PCDHGB4: variants seen among roughly 807,000 people sequenced by gnomAD.
PCDHGB4 encodes protocadherin gamma subfamily B, 4, also known as protocadherin gamma-B4.
In PCDHGB4, 38 loss-of-function variants were observed where a neutral mutation model predicts 60.5. The ratio of observed to expected loss-of-function variants is 0.63; its 90% CI spans 0.48 to 0.82. The LOEUF is 0.82. PCDHGB4 is among the 40% of genes least tolerant of loss of function. The probability of loss-of-function intolerance (pLI) is 0.00; values close to 1 mark genes in which losing one functional copy is unlikely to be tolerated. For missense variants in PCDHGB4, 1,109 were observed against 1,209.6 expected (o/e 0.92, Z 1.23); for synonymous variants, 456 against 509.7 (o/e 0.89, Z 1.42).
intron 1 of PCDHGB4, chr5:141,430,828 G>C (rs760402028): frequency 1.3e-6 from 2 of 1,554,030 alleles, no homozygotes; most frequent in East Asian, 2.2e-5. Context: ...TGGGGACTCT[G>C]TGGGAGACCG....
chr5:141,470,297 T>A (rs2099227289), intron 1 of PCDHGB4, among the ~76,000 whole-genome samples: 2 of 152,348 alleles, frequency 1.3e-5, no homozygotes, highest in Admixed American at 1.3e-4. Flanking sequence ...TAACTGTTTT[T>A]ATTCCATTTT....
rs1297208780 is a variant in PCDHGB4 at position 141,486,613 on chromosome 5, T to C, written c.2398-8194T>C. 2 of 1,613,658 alleles carry C rather than the reference T, an allele frequency of 1.2e-6. No individual in the cohort carries two copies. The highest frequency in any genetic ancestry group is 2.7e-5 in the African/African-American group (2 of 75,074). On this transcript the variant is annotated intron_variant, in intron 1 of 3. Coordinates refer to ENST00000519479, the MANE Select transcript of PCDHGB4 (RefSeq NM_003736.4). The surrounding 1 kb of genome is among the most constrained non-coding windows in gnomAD (Gnocchi z 5.0). ...ACCTGCTTTGCTCCCTTGCAGCCTC[T>C]GACCCAGACTCTGGCTTGAATGCGC...
chr5:141,478,847 AAC>A (rs2099480409), intron 1 of PCDHGB4: 1 of 1,389,782 alleles, frequency 7.2e-7, no homozygotes, highest in South Asian at 1.5e-5. Context: ...GTTAAGCTAA[AAC>A]ACAAGATCTC....
At chr5:141,436,256 C>T (rs953463822) in intron 1 of PCDHGB4, among the ~76,000 whole-genome samples, 1 of 152,100 alleles carries the variant, frequency 6.6e-6, no homozygotes, top group South Asian at 2.1e-4. Context: ...TTATTCTGAC[C>T]TCTGCTCACC....
At position 141,476,513 on chromosome 5, in the gene PCDHGB4, C is replaced by T; in HGVS notation, c.2398-18294C>T. 1 of 1,614,196 alleles carries T rather than the reference C, an allele frequency of 6.2e-7. No individual in the cohort carries two copies. Among genetic ancestry groups the T allele is most frequent in the Non-Finnish European group, 8.5e-7 (1 of 1,180,034 alleles). On this transcript the variant is annotated intron_variant, in intron 1 of 3. Coordinates refer to ENST00000519479, the MANE Select transcript of PCDHGB4 (RefSeq NM_003736.4). The surrounding 1 kb of genome is among the most constrained non-coding windows in gnomAD (Gnocchi z 7.6). ...GATCCAGGACATCAACGACAACAAT[C>T]CTGCTTTCCCTACCCAGGAAATGAA...
rs771408685 is a variant in PCDHGB4, at chr5:141,486,166, G to T, written c.2398-8641G>T. ...GCGATGGGGGTTCTCCAGCCATGGA[G>T]CAACATTGCAGCCTTCGAGTGGATC... is the stretch of plus-strand genomic sequence containing the variant. On this transcript the variant is annotated intron_variant, in intron 1 of 3. Transcript: ENST00000519479. The surrounding 1 kb of genome is among the most constrained non-coding windows in gnomAD (Gnocchi z 5.0). 1.9e-6 allele frequency: 3 copies of T among 1,614,106 alleles called. No homozygotes were observed. Among genetic ancestry groups the T allele is most frequent in the Non-Finnish European group, 2.5e-6 (3 of 1,180,048 alleles).
intron 1 of PCDHGB4, chr5:141,478,557 G>A (rs1316386006): frequency 1.2e-6 from 2 of 1,600,016 alleles, no homozygotes; most frequent in Non-Finnish European, 1.7e-6. Context: ...GTAAGGTTTA[G>A]CAAGTCATGC....
rs2099883748 is a variant in PCDHGB4 at position 141,511,359 on chromosome 5, T to A, written c.*186T>A. On this transcript the variant is annotated 3_prime_UTR_variant, in exon 4 of 4. Transcript: ENST00000519479. ...CACCTACCCCTTCCCCCCCAGGGGGTTGAATATGCAAAAGCAGTTCCGCTG... is the reference window on the plus strand; with the variant it reads ...CACCTACCCCTTCCCCCCCAGGGGGATGAATATGCAAAAGCAGTTCCGCTG... 2 of 1,339,338 alleles carry A rather than the reference T, an allele frequency of 1.5e-6. No individual in the cohort carries two copies. Among genetic ancestry groups the A allele is most frequent in the Non-Finnish European group, 2.0e-6 (2 of 1,000,492 alleles). The allele number at this position is 1,339,338 out of a possible 1,614,324, so 83.0% of individuals were successfully genotyped here. A position where few individuals can be genotyped will look rare whatever the true frequency, so the allele number is the denominator to read the frequency against.
chr5:141,478,384 T>G, intron 1 of PCDHGB4: 1 of 1,613,658 alleles, frequency 6.2e-7, no homozygotes, highest in South Asian at 1.1e-5. Context: ...CGCCGCACCT[T>G]TACCATCAGG....
intron 1 of PCDHGB4, chr5:141,420,276 T>C: frequency 6.6e-7 from 1 of 1,523,250 alleles, no homozygotes; most frequent in Non-Finnish European, 8.9e-7. Context: ...CTTAAACAGG[T>C]AAGTATTTAA....
At chr5:141,494,564 G>A (rs2099755274) in intron 1 of PCDHGB4, among the ~76,000 whole-genome samples, 1 of 152,138 alleles carries the variant, frequency 6.6e-6, no homozygotes, top group Non-Finnish European at 1.5e-5. Context: ...TTTAGGAAAG[G>A]AGTCTCAGCT....
In PCDHGB4 at chr5:141,409,316, C is replaced by T. The variant is rs114361948; in HGVS notation, c.2397+19035C>T. 56 of 1,613,968 alleles carry T rather than the reference C, an allele frequency of 3.5e-5. No individual in the cohort carries two copies. The African/African-American group carries it at 6.5e-4, about 19-fold the overall frequency. On this transcript the variant is annotated intron_variant, in intron 1 of 3. Transcript: ENST00000519479. ...AATGGTTGTTGCCCTCTTCAAAACA[C>T]GGGATCTGGATTTCGGAGGAAATGG...
chr5:141,481,901 G>A (rs1297925755), intron 1 of PCDHGB4, among the ~76,000 whole-genome samples: 2 of 125,298 alleles, frequency 1.6e-5, no homozygotes, highest in Non-Finnish European at 3.2e-5. Context: ...GTGAAAGAGC[G>A]AAACTCCATC....
At chr5:141,430,842 G>A (rs935750449) in intron 1 of PCDHGB4, 4 of 1,567,068 alleles carry the variant, frequency 2.6e-6, no homozygotes, top group Non-Finnish European at 3.4e-6. Flanking sequence ...GAGACCGGAT[G>A]CACCCAGATA....
intron 2 of PCDHGB4, among the ~76,000 whole-genome samples, chr5:141,501,334 C>T (rs1462003251): frequency 6.9e-6 from 1 of 145,376 alleles, no homozygotes; most frequent in Non-Finnish European, 1.5e-5. Context: ...CACACACACA[C>T]CCCAAACTCA....
At chr5:141,415,725 T>A in intron 1 of PCDHGB4, 1 of 1,437,122 alleles carries the variant, frequency 7.0e-7, no homozygotes, top group Non-Finnish European at 9.2e-7. Context: ...TGAGTAGAAT[T>A]TGATGTTTAT....
At chr5:141,430,784 G>T in intron 1 of PCDHGB4, 1 of 1,512,418 alleles carries the variant, frequency 6.6e-7, no homozygotes, top group East Asian at 2.3e-5. Flanking sequence ...ACTGCACCGG[G>T]ACTACAAAGG....
intron 1 of PCDHGB4, chr5:141,426,612 G>A (rs2096947310): frequency 2.6e-6 from 1 of 384,602 alleles, no homozygotes; most frequent in Non-Finnish European, 5.3e-6. Flanking sequence ...GATTGTAGCA[G>A]AGAATCCTCT....
chr5:141,404,680 G>A (rs2094553624), intron 1 of PCDHGB4: 2 of 1,614,042 alleles, frequency 1.2e-6, no homozygotes, highest in Non-Finnish European at 1.7e-6. Context: ...CTGGTGTGGA[G>A]CTGGCACCCC....
Sources: allele counts gnomAD v4.1 joint callset (sites outside exome capture counted in the v4.1 genomes callset), GRCh38; gene constraint gnomAD v4.1.1; non-coding constraint Gnocchi (gnomAD v3.1); transcripts MANE v1.5; gene names NCBI Gene and HGNC (gene_info 2026-07-23, HGNC 2026-07-21).